Variants in MSH3 observed in about 807,000 individuals in gnomAD.
MSH3 encodes mutS homolog 3.
MSH3 carries 106 observed loss-of-function variants against 123.3 expected under a neutral mutation model. The observed-to-expected ratio is 0.86, with a 90% CI of 0.73 to 1.01. The LOEUF (loss-of-function observed/expected upper bound fraction) is 1.01, where lower values mean the gene tolerates loss of function less well. MSH3 is among the 50% of genes least tolerant of loss of function. MSH3 has a pLI of 0.00. For missense variants in MSH3, 1,459 were observed against 1,347.6 expected (o/e 1.08, Z -1.29); for synonymous variants, 515 against 481.4 (o/e 1.07, Z -0.91).
chr5:80,742,398 A>G (rs2112867459), intron 11 of MSH3, among the ~76,000 whole-genome samples: 1 of 152,336 alleles, frequency 6.6e-6, no homozygotes, highest in African/African-American at 2.4e-5. Context: ...TTCATTTATT[A>G]AATTATCACT....
At chr5:80,799,149 C>T (rs1453880633) in intron 19 of MSH3, among the ~76,000 whole-genome samples, 1 of 152,188 alleles carries the variant, frequency 6.6e-6, no homozygotes, top group African/African-American at 2.4e-5. Context: ...AGCCAGCCCT[C>T]ACACCCAGGG....
intron 8 of MSH3, among the ~76,000 whole-genome samples, chr5:80,698,739 G>A (rs1750539694): frequency 6.6e-6 from 1 of 151,734 alleles, no homozygotes; most frequent in Non-Finnish European, 1.5e-5. Context: ...ACTCATAGGT[G>A]GGAATTGAAC....
At chr5:80,763,357 G>A (rs1282572515) in intron 13 of MSH3, among the ~76,000 whole-genome samples, 1 of 152,336 alleles carries the variant, frequency 6.6e-6, no homozygotes, top group Middle Eastern at 3.4e-3. Context: ...ATCCTGGGGA[G>A]AAAGATATAT....
intron 21 of MSH3, among the ~76,000 whole-genome samples, chr5:80,864,387 A>T (rs2112117782): frequency 6.6e-6 from 1 of 152,350 alleles, no homozygotes; most frequent in South Asian, 2.1e-4. Context: ...GTCATAAAAG[A>T]CAAAAAAGGA....
chr5:80,682,812 A>G (rs1045167575), intron 8 of MSH3, among the ~76,000 whole-genome samples: 2 of 151,650 alleles, frequency 1.3e-5, no homozygotes, highest in African/African-American at 4.8e-5. Flanking sequence ...ATCAAATGCT[A>G]GGTCTTATTC....
At chr5:80,782,446 C>T (rs1039282428) in intron 17 of MSH3, among the ~76,000 whole-genome samples, 2 of 151,850 alleles carry the variant, frequency 1.3e-5, no homozygotes, top group African/African-American at 2.4e-5. Context: ...TATAAGTAAT[C>T]TAGAGATATT....
At chr5:80,662,407 G>GAA (rs1749455698) in intron 2 of MSH3, among the ~76,000 whole-genome samples, 1 of 151,924 alleles carries the variant, frequency 6.6e-6, no homozygotes, top group East Asian at 1.9e-4. Context: ...TAGGCAGTGA[G>GAA]TATTTATTAT....
intron 4 of MSH3, among the ~76,000 whole-genome samples, chr5:80,670,795 T>C (rs1413605564): frequency 6.6e-6 from 1 of 152,108 alleles, no homozygotes; most frequent in Non-Finnish European, 1.5e-5. Flanking sequence ...ACAGATCTCT[T>C]TGGGTGTCAG....
intron 8 of MSH3, among the ~76,000 whole-genome samples, chr5:80,711,687 T>A (rs1750862707): frequency 6.6e-6 from 1 of 152,180 alleles, no homozygotes; most frequent in Non-Finnish European, 1.5e-5. Context: ...TGGTGTCTCA[T>A]TCTGTTGCCC....
intron 2 of MSH3, among the ~76,000 whole-genome samples, chr5:80,659,095 G>C (rs1054199289): frequency 2.0e-5 from 3 of 152,142 alleles, no homozygotes; most frequent in African/African-American, 7.2e-5. Context: ...TTAGCCGGAT[G>C]TGGTGGCGGG....
At chr5:80,808,858 C>CAT (rs747818551) in intron 19 of MSH3, among the ~76,000 whole-genome samples, 1,144 of 66,104 alleles carry the variant, frequency 0.017, 25 homozygotes, top group Middle Eastern at 0.03. Flanking sequence ...ATATCTTCTT[C>CAT]ATATATATAT....
In MSH3 at chr5:80,876,175, T is replaced by G. The variant is rs564103251; in HGVS notation, c.*313T>G. On this transcript the variant is annotated 3_prime_UTR_variant, in exon 24 of 24. Coordinates refer to ENST00000265081, the MANE Select transcript of MSH3 (RefSeq NM_002439.5). ...AGCTTTTGGAGGGTGATATAAAAAT[T>G]TACTTGATATTTTTATTTGTTTCAG... is the stretch of plus-strand genomic sequence containing the variant. The G allele has an allele frequency of 1.4e-4, 42 of 300,716 alleles. No individual in the cohort carries two copies. Among genetic ancestry groups the G allele is most frequent in the African/African-American group, 7.1e-4 (33 of 46,790 alleles). The allele number at this position is 300,716 out of a possible 1,614,324, so 18.6% of individuals were successfully genotyped here.
intron 8 of MSH3, among the ~76,000 whole-genome samples, chr5:80,706,785 G>GT (rs1475377187): frequency 6.6e-6 from 1 of 151,982 alleles, no homozygotes; most frequent in Non-Finnish European, 1.5e-5. Flanking sequence ...ACAGGAATTT[G>GT]TTTTTTTCCA....
chr5:80,869,795 CAT>C (rs565145010), intron 22 of MSH3, among the ~76,000 whole-genome samples: 89 of 130,138 alleles, frequency 6.8e-4, no homozygotes, highest in African/African-American at 2.1e-3. Flanking sequence ...TACATATATA[CAT>C]ATATATACAT....
At chr5:80,815,822 TAG>T (rs1745094302) in intron 20 of MSH3, among the ~76,000 whole-genome samples, 1 of 152,202 alleles carries the variant, frequency 6.6e-6, no homozygotes, top group South Asian at 2.1e-4. Flanking sequence ...AGCTTTTAAA[TAG>T]AGTTAAGCAC....
chr5:80,790,841 T>C (rs1744594166), intron 18 of MSH3, among the ~76,000 whole-genome samples: 1 of 152,116 alleles, frequency 6.6e-6, no homozygotes, highest in Admixed American at 6.6e-5. Context: ...ATGATGAATG[T>C]GAAGAGAAAA....
chr5:80,780,307 G>C (rs1744387091), intron 17 of MSH3, among the ~76,000 whole-genome samples: 2 of 152,200 alleles, frequency 1.3e-5, no homozygotes. Context: ...TGAGTCCATA[G>C]GAACCAGCTC....
At chr5:80,714,919 A>G (rs1187397176) in intron 8 of MSH3, among the ~76,000 whole-genome samples, 2 of 152,182 alleles carry the variant, frequency 1.3e-5, no homozygotes, top group African/African-American at 4.8e-5. Flanking sequence ...CTCTCTCTCT[A>G]GTGGATTAAG....
At chr5:80,802,404 T>C (rs1200095233) in intron 19 of MSH3, among the ~76,000 whole-genome samples, 1 of 150,580 alleles carries the variant, frequency 6.6e-6, no homozygotes, top group African/African-American at 2.4e-5. Flanking sequence ...CCTCACAGAA[T>C]TGATTCTTTA....
Sources: allele counts gnomAD v4.1 joint callset (sites outside exome capture counted in the v4.1 genomes callset), GRCh38; gene constraint gnomAD v4.1.1; transcripts MANE v1.5; gene names NCBI Gene and HGNC (gene_info 2026-07-23, HGNC 2026-07-21).